CTNNA2: variants seen among roughly 807,000 people sequenced by gnomAD.
CTNNA2 encodes catenin alpha-2.
CTNNA2 carries 42 observed loss-of-function variants against 101.0 expected under a neutral mutation model. The observed-to-expected ratio is 0.42, with a 90% CI of 0.32 to 0.54. CTNNA2 has a LOEUF of 0.54. Ranked by LOEUF, CTNNA2 falls within the 20% of genes least tolerant of loss-of-function variation. The pLI is 0.14. For synonymous variants in CTNNA2, 450 were observed against 456.4 expected, an observed-to-expected ratio of 0.99 and a Z score of 0.18; for missense variants, 871 against 1,223.1, an observed-to-expected ratio of 0.71 and a Z score of 4.29.
intron 7 of CTNNA2, among the ~76,000 whole-genome samples, chr2:79,982,379 TATATAAC>T (rs1269704447): frequency 0.028 from 3,991 of 143,780 alleles, 218 homozygotes; most frequent in African/African-American, 0.097. Flanking sequence ...ATATATAACA[TATATAAC>T]ATATATAACA....
intron 3 of CTNNA2, among the ~76,000 whole-genome samples, chr2:79,846,046 A>G (rs1401524948): frequency 6.6e-6 from 1 of 152,194 alleles, no homozygotes; most frequent in Non-Finnish European, 1.5e-5. Flanking sequence ...AAACCTGATC[A>G]TTCTAGTCTT....
chr2:80,089,634 G>T (rs1699658952), intron 7 of CTNNA2, among the ~76,000 whole-genome samples: 1 of 151,884 alleles, frequency 6.6e-6, no homozygotes, highest in Non-Finnish European at 1.5e-5. Flanking sequence ...TTATCTAGCG[G>T]TGAGCTTGAC....
chr2:79,265,245 T>A (rs1214938004), intron 2 of CTNNA2, among the ~76,000 whole-genome samples: 1 of 152,188 alleles, frequency 6.6e-6, no homozygotes, highest in African/African-American at 2.4e-5. Flanking sequence ...AAAGCCAGAA[T>A]ATTTCATAGA....
At chr2:80,093,053 A>T (rs1174397856) in intron 7 of CTNNA2, among the ~76,000 whole-genome samples, 1 of 151,848 alleles carries the variant, frequency 6.6e-6, no homozygotes, top group Non-Finnish European at 1.5e-5. Flanking sequence ...TGTACACAAC[A>T]TGCAGGTTTG....
intron 7 of CTNNA2, among the ~76,000 whole-genome samples, chr2:80,385,133 G>A (rs1036806429): frequency 3.3e-5 from 5 of 152,130 alleles, no homozygotes. Context: ...ATAGGTTAAT[G>A]TGTTTTATAT....
In CTNNA2 at chr2:79,989,195, A is replaced by G. The variant is rs1021331511; in HGVS notation, c.1056+79398A>G. On this transcript the variant is annotated intron_variant, in intron 7 of 18. Transcript: ENST00000402739. ...CAAGTAACGGTTTCATAATTCAAAT[A>G]TAACCCAAAATACAAACATTTCAAA... Among the ~76,000 whole-genome samples, 3 of 152,336 alleles carry G rather than the reference A, an allele frequency of 2.0e-5. No homozygotes were observed. In the South Asian group the frequency reaches 6.2e-4, roughly 32 times the overall value.
At chr2:80,557,072 C>T (rs1200522544) in intron 12 of CTNNA2, among the ~76,000 whole-genome samples, 2 of 152,172 alleles carry the variant, frequency 1.3e-5, no homozygotes, top group African/African-American at 4.8e-5. Flanking sequence ...AATACATAAA[C>T]ACAGGTATTG....
At chr2:80,473,260 G>T (rs974990475) in intron 9 of CTNNA2, among the ~76,000 whole-genome samples, 5 of 152,154 alleles carry the variant, frequency 3.3e-5, no homozygotes, top group African/African-American at 1.2e-4. Flanking sequence ...AAGGAACAGA[G>T]GAGCCAAAGG....
chr2:79,215,400 A>G (rs867567588), intron 2 of CTNNA2, among the ~76,000 whole-genome samples: 6 of 152,190 alleles, frequency 3.9e-5, no homozygotes, highest in South Asian at 2.1e-4. Context: ...AAGAATTGCA[A>G]CTGAGAAATA....
chr2:80,428,972 G>T (rs1373815941), intron 9 of CTNNA2, among the ~76,000 whole-genome samples: 1 of 151,972 alleles, frequency 6.6e-6, no homozygotes, highest in Non-Finnish European at 1.5e-5. Context: ...AACTACAACT[G>T]AGTTACTGAA....
chr2:79,998,670 G>A (rs1213558854), intron 7 of CTNNA2, among the ~76,000 whole-genome samples: 1 of 152,054 alleles, frequency 6.6e-6, no homozygotes, highest in Non-Finnish European at 1.5e-5. Flanking sequence ...ACTTTTGTGG[G>A]AATTTTAATT....
intron 7 of CTNNA2, among the ~76,000 whole-genome samples, chr2:80,010,620 C>T (rs1034252861): frequency 6.6e-6 from 1 of 152,020 alleles, no homozygotes; most frequent in Non-Finnish European, 1.5e-5. Flanking sequence ...GTGATTTTAG[C>T]AAGTGTAATA....
At chr2:79,459,174 T>C in intron 4 of CTNNA2, among the ~76,000 whole-genome samples, 1 of 152,132 alleles carries the variant, frequency 6.6e-6, no homozygotes, top group Admixed American at 6.5e-5. Context: ...AACAAAATCA[T>C]ATACTTCAGA....
At chr2:80,178,029 C>A (rs1705509459) in intron 7 of CTNNA2, among the ~76,000 whole-genome samples, 1 of 152,222 alleles carries the variant, frequency 6.6e-6, no homozygotes, top group Non-Finnish European at 1.5e-5. Context: ...GCATATTGCA[C>A]AAAGCCTGTG....
At chr2:80,030,583 T>C (rs879144295) in intron 7 of CTNNA2, 1 of 152,180 alleles carries the variant, frequency 6.6e-6, no homozygotes, top group South Asian at 2.1e-4. Flanking sequence ...TGTAGAGACT[T>C]TTTACCAAGT....
intron 1 of CTNNA2, among the ~76,000 whole-genome samples, chr2:79,537,131 C>T (rs1268377622): frequency 6.6e-6 from 1 of 152,070 alleles, no homozygotes; most frequent in Non-Finnish European, 1.5e-5. Context: ...CTTAAACCAC[C>T]CCCCATTGAA....
At chr2:80,225,268 C>G (rs944655085) in intron 7 of CTNNA2, among the ~76,000 whole-genome samples, 15 of 152,118 alleles carry the variant, frequency 9.9e-5, no homozygotes, top group African/African-American at 3.4e-4. Flanking sequence ...AAAAGCAGAG[C>G]CCGATTGCCC....
At chr2:79,417,060 T>C (rs1678492454) in intron 4 of CTNNA2, among the ~76,000 whole-genome samples, 1 of 152,130 alleles carries the variant, frequency 6.6e-6, no homozygotes, top group South Asian at 2.1e-4. Context: ...CACCAGAAAA[T>C]GTATGCCATA....
rs1359600938 is a variant in CTNNA2, at chr2:79,343,159, T to G, written c.-318+30363T>G. On this transcript the variant is annotated intron_variant, in intron 3 of 21. Coordinates refer to the CTNNA2 transcript ENST00000466387. ...AAATGAAGATACAATAAATAAATTA[T>G]AGTTAACCATATTGCCTTAACAGTC... Among the ~76,000 whole-genome samples, 6 of 152,330 alleles carry G rather than the reference T, an allele frequency of 3.9e-5. 1 individual carries two copies. In the East Asian group the frequency reaches 1.2e-3, roughly 29 times the overall value.
Sources: gnomAD v4.1 joint callset for allele counts (sites outside exome capture counted in the v4.1 genomes callset) on GRCh38, gnomAD v4.1.1 for gene constraint, MANE v1.5 for transcripts, NCBI Gene and HGNC (gene_info 2026-07-23, HGNC 2026-07-21) for gene names.